Variants in C9 observed in about 807,000 individuals in gnomAD.
C9 encodes the protein complement component C9.
Under a neutral mutation model 65.4 loss-of-function variants are expected in C9, and 63 were observed. The observed-to-expected ratio is 0.96, with a 90% CI of 0.79 to 1.19. The LOEUF (loss-of-function observed/expected upper bound fraction) is 1.19, where lower values mean the gene tolerates loss of function less well. Among genes scored for constraint, C9 ranks in the 50% most tolerant of loss-of-function variants. The pLI is 0.00. For synonymous variants in C9, 229 were observed against 227.9 expected (o/e 1.00, Z -0.04); for missense variants, 744 against 670.1 (o/e 1.11, Z -1.22).
chr5:39,355,686 T>A (rs1417031564), intron 1 of C9, among the ~76,000 whole-genome samples: 1 of 152,202 alleles, frequency 6.6e-6, no homozygotes, highest in African/African-American at 2.4e-5. Context: ...AGGGCCACCA[T>A]AACAAAGTAC....
intron 1 of C9, among the ~76,000 whole-genome samples, chr5:39,352,549 C>A (rs746499055): frequency 6.6e-6 from 1 of 152,204 alleles, no homozygotes; most frequent in Non-Finnish European, 1.5e-5. Flanking sequence ...TGCTACTTGT[C>A]TCATCCTGCA....
At chr5:39,333,903 T>G (rs1753899559) in intron 4 of C9, among the ~76,000 whole-genome samples, 1 of 152,204 alleles carries the variant, frequency 6.6e-6, no homozygotes, top group Admixed American at 6.5e-5. Context: ...CAGAGTCTCG[T>G]TAACTCAGTG....
intron 1 of C9, among the ~76,000 whole-genome samples, chr5:39,343,769 C>A (rs951012603): frequency 2.6e-5 from 4 of 152,176 alleles, no homozygotes; most frequent in Admixed American, 2.0e-4. Context: ...CTGGGAGGCA[C>A]CCCCCAGTAG....
intron 1 of C9, among the ~76,000 whole-genome samples, chr5:39,358,379 A>G (rs1321227619): frequency 6.6e-6 from 1 of 152,182 alleles, no homozygotes; most frequent in African/African-American, 2.4e-5. Context: ...CACAGCAAGC[A>G]TGGTGTTAGA....
chr5:39,361,706 G>A (rs1057061744), intron 1 of C9, among the ~76,000 whole-genome samples: 2 of 152,172 alleles, frequency 1.3e-5, no homozygotes, highest in Admixed American at 1.3e-4. Flanking sequence ...TACTCTCATG[G>A]TGGTTTTAAA....
intron 1 of C9, among the ~76,000 whole-genome samples, chr5:39,344,425 A>T (rs1252667756): frequency 6.6e-6 from 1 of 152,250 alleles, no homozygotes; most frequent in African/African-American, 2.4e-5. Flanking sequence ...GGTATCAGTG[A>T]TTGAAGATCA....
At chr5:39,330,585 G>A (rs1753821530) in intron 5 of C9, among the ~76,000 whole-genome samples, 1 of 152,166 alleles carries the variant, frequency 6.6e-6, no homozygotes. Flanking sequence ...TTTAAGAAAG[G>A]AGAATGTATG....
At position 39,343,469 on chromosome 5, in the gene C9, G is replaced by C. The variant is rs1208886605; in HGVS notation, c.78-1273C>G. ...TGAGATCAAACTGCAAGGGCAGCGA[G>C]GCTGGGGAGGGGCGCCCGCCATTGC... On this transcript the variant is annotated intron_variant, in intron 1 of 10. Transcript: ENST00000263408. 5.3e-5 allele frequency among the ~76,000 whole-genome samples: 8 copies of C among 152,344 alleles called. No individual in the cohort carries two copies. In the East Asian group the frequency reaches 1.4e-3, roughly 26 times the overall value.
intron 4 of C9, among the ~76,000 whole-genome samples, chr5:39,340,852 G>A (rs1754063385): frequency 6.6e-6 from 1 of 152,120 alleles, no homozygotes; most frequent in Admixed American, 6.5e-5. Context: ...GTCTCCCAGA[G>A]GTTCCTAAAT....
intron 7 of C9, among the ~76,000 whole-genome samples, chr5:39,310,444 C>T (rs1043589456): frequency 2.6e-5 from 4 of 152,090 alleles, no homozygotes; most frequent in Non-Finnish European, 4.4e-5. Context: ...TTACTTTTTT[C>T]TTAAAAGACT....
At position 39,315,889 on chromosome 5, in the gene C9, T is replaced by C. The variant is rs758235529; in HGVS notation, c.756A>G (p.Glu252=). The C allele has an allele frequency of 9.0e-5, 145 of 1,613,460 alleles. No individual in the cohort carries two copies. The highest frequency in any genetic ancestry group is 1.2e-4 in the Non-Finnish European group (139 of 1,179,606). ...AGGAGGCTGTTTCCTCACAACATTG[T>C]TCAGCTTTATTTGTTTCAGTGGGTG... The part of the protein sequence containing the change: ...KFTPTETNKA[E]QCCEETASSI... The change falls in exon 6 of 11, where the codon GAA becomes GAG. Residue 252 remains glutamate, a synonymous_variant. Coordinates refer to ENST00000263408, the MANE Select transcript of C9 (RefSeq NM_001737.5).
chr5:39,358,491 T>G (rs923528349), intron 1 of C9, among the ~76,000 whole-genome samples: 10 of 152,132 alleles, frequency 6.6e-5, no homozygotes, highest in African/African-American at 2.4e-4. Flanking sequence ...GATTCTGAGC[T>G]TGCTAGGAAT....
At chr5:39,342,291 C>A in intron 1 of C9, 95 bp from the exon 2 acceptor site, 2 of 713,352 alleles carry the variant, frequency 2.8e-6, no homozygotes, top group Non-Finnish European at 5.2e-6. Flanking sequence ...ACTTTATCCC[C>A]TCTCAAATTA....
At chr5:39,313,620 A>C (rs1753524820) in intron 6 of C9, among the ~76,000 whole-genome samples, 1 of 152,196 alleles carries the variant, frequency 6.6e-6, no homozygotes, top group Admixed American at 6.5e-5. Context: ...GCTGTTCCAT[A>C]GACCACACTC....
chr5:39,296,434 G>A (rs539944615), intron 9 of C9, among the ~76,000 whole-genome samples: 309 of 151,356 alleles, frequency 2.0e-3, no homozygotes, highest in Non-Finnish European at 3.6e-3. Flanking sequence ...AATATCAAAC[G>A]GATAAAAATA....
At chr5:39,328,219 T>C (rs560882648) in intron 5 of C9, among the ~76,000 whole-genome samples, 1 of 152,148 alleles carries the variant, frequency 6.6e-6, no homozygotes, top group Non-Finnish European at 1.5e-5. Flanking sequence ...CAGAATAACT[T>C]TGAAGAAACA....
chr5:39,300,461 A>G (rs546253918), intron 9 of C9, among the ~76,000 whole-genome samples: 1 of 152,030 alleles, frequency 6.6e-6, no homozygotes, highest in South Asian at 2.1e-4. Flanking sequence ...AAAAGAAAAG[A>G]ACAAAGATCA....
intron 9 of C9, among the ~76,000 whole-genome samples, 173 bp downstream of exon 9, chr5:39,306,444 C>G (rs73076599): frequency 0.011 from 1,642 of 152,204 alleles, 28 homozygotes; most frequent in African/African-American, 0.038. Context: ...CCAGGATGGT[C>G]TGACTCTACA....
Position 39,293,628 on chromosome 5 carries a change from A to G in C9, c.1417-4677T>C, listed in dbSNP as rs141632842. On this transcript the variant is annotated intron_variant, in intron 9 of 10. Transcript: ENST00000263408. The stretch of plus-strand genomic sequence containing the variant: ...TTGGGTACTTCAACATTTCACTGTC[A>G]GCGTTGGAGAGATTATCTAAACAGA... Among the ~76,000 whole-genome samples the G allele has an allele frequency of 3.2e-3, 488 of 152,136 alleles. 4 individuals carry two copies. The highest frequency in any genetic ancestry group is 5.8e-3 in the Admixed American group (89 of 15,250).
Sources: allele counts gnomAD v4.1 joint callset (sites outside exome capture counted in the v4.1 genomes callset), GRCh38; gene constraint gnomAD v4.1.1; transcripts MANE v1.5; gene names NCBI Gene and HGNC (gene_info 2026-07-23, HGNC 2026-07-21).